Variants in PTPRD observed in about 807,000 individuals in gnomAD.
PTPRD encodes protein tyrosine phosphatase receptor type D, also known as receptor-type tyrosine-protein phosphatase delta.
A neutral mutation model predicts 214.5 loss-of-function variants in PTPRD; 34 were observed. That is an observed-to-expected ratio of 0.16 (90% CI 0.12 to 0.21). The LOEUF (loss-of-function observed/expected upper bound fraction) is 0.21. PTPRD is among the 10% of genes least tolerant of loss of function. The pLI is 1.00. For missense variants in PTPRD, 2,545 were observed against 2,398.7 expected, an observed-to-expected ratio of 1.06 and a Z score of -1.27; for synonymous variants, 1,128 against 845.7, an observed-to-expected ratio of 1.33 and a Z score of -5.79.
At chr9:8,495,277 T>TAG (rs1410486895) in intron 26 of PTPRD, among the ~76,000 whole-genome samples, 1 of 152,186 alleles carries the variant, frequency 6.6e-6, no homozygotes. Context: ...CGGTAACACA[T>TAG]CTGCAAAACT....
At chr9:9,450,475 G>C (rs1009378432) in intron 8 of PTPRD, among the ~76,000 whole-genome samples, 1 of 151,578 alleles carries the variant, frequency 6.6e-6, no homozygotes, top group Admixed American at 6.6e-5. Flanking sequence ...GGAGTAAGGT[G>C]GTATCTCACT....
At chr9:9,783,319 T>C (rs931988825) in intron 5 of PTPRD, among the ~76,000 whole-genome samples, 2 of 152,172 alleles carry the variant, frequency 1.3e-5, no homozygotes, top group Non-Finnish European at 2.9e-5. Flanking sequence ...AATTTCTTTC[T>C]TGCATGAAAT....
chr9:9,968,308 G>C (rs1240888376), intron 4 of PTPRD, among the ~76,000 whole-genome samples: 1 of 152,146 alleles, frequency 6.6e-6, no homozygotes, highest in Non-Finnish European at 1.5e-5. Context: ...ATTTCTAGTA[G>C]ATTCATTCAG....
intron 2 of PTPRD, among the ~76,000 whole-genome samples, chr9:10,480,434 A>C (rs1199086598): frequency 1.3e-5 from 2 of 152,214 alleles, no homozygotes; most frequent in East Asian, 3.9e-4. Context: ...GTATTACCTG[A>C]GAAGGTGAGT....
intron 2 of PTPRD, among the ~76,000 whole-genome samples, chr9:10,590,426 T>C (rs751135982): frequency 2.0e-5 from 3 of 151,992 alleles, no homozygotes; most frequent in Non-Finnish European, 4.4e-5. Flanking sequence ...ATAGAATATA[T>C]TTATTATCCT....
chr9:8,433,315 C>T (rs2095179907), intron 35 of PTPRD, among the ~76,000 whole-genome samples: 1 of 152,278 alleles, frequency 6.6e-6, no homozygotes, highest in South Asian at 2.1e-4. Flanking sequence ...AGGTACAGTA[C>T]ATAATATTTA....
intron 12 of PTPRD, among the ~76,000 whole-genome samples, chr9:8,658,190 T>A (rs1360507050): frequency 1.3e-5 from 2 of 152,206 alleles, no homozygotes; most frequent in Non-Finnish European, 2.9e-5. Flanking sequence ...AGATAACATG[T>A]ATAACAGATT....
At chr9:10,314,691 C>T (rs1385164286) in intron 3 of PTPRD, among the ~76,000 whole-genome samples, 1 of 151,830 alleles carries the variant, frequency 6.6e-6, no homozygotes, top group Non-Finnish European at 1.5e-5. Context: ...AATAAATAAT[C>T]ATGAGTATAC....
chr9:8,630,192 T>C (rs1298477080), intron 14 of PTPRD, among the ~76,000 whole-genome samples: 1 of 151,674 alleles, frequency 6.6e-6, no homozygotes, highest in Non-Finnish European at 1.5e-5. Flanking sequence ...GTGGACGAAA[T>C]GGGAATCTAA....
rs538475640 is a variant in PTPRD at position 8,987,472 on chromosome 9, T to G, written c.-104+31225A>C. Reference sequence around the variant, plus strand: ...AGTTTTAGAACAGGCATAAAGACAATAGGTGGTGGTAATCATTTGGAGAGA... The same window carrying G: ...AGTTTTAGAACAGGCATAAAGACAAGAGGTGGTGGTAATCATTTGGAGAGA... On this transcript the variant is annotated intron_variant, in intron 11 of 45. Coordinates refer to ENST00000381196, the MANE Select transcript of PTPRD (RefSeq NM_002839.4). Among the ~76,000 whole-genome samples the G allele has an allele frequency of 1.1e-4, 17 of 152,242 alleles. No homozygotes were observed. In the East Asian group the frequency reaches 3.3e-3, roughly 29 times the overall value.
At chr9:9,869,473 T>G (rs1167279121) in intron 5 of PTPRD, among the ~76,000 whole-genome samples, 1 of 152,170 alleles carries the variant, frequency 6.6e-6, no homozygotes, top group East Asian at 1.9e-4. Context: ...TGGACTCACC[T>G]ATAGCTTCTC....
At chr9:8,825,221 G>C (rs1009253840) in intron 11 of PTPRD, among the ~76,000 whole-genome samples, 5 of 152,152 alleles carry the variant, frequency 3.3e-5, no homozygotes, top group Admixed American at 3.3e-4. Flanking sequence ...TATAGGGACT[G>C]TTTTAGGCAA....
chr9:9,515,759 A>C (rs971034690), intron 8 of PTPRD, among the ~76,000 whole-genome samples: 1 of 152,012 alleles, frequency 6.6e-6, no homozygotes, highest in African/African-American at 2.4e-5. Flanking sequence ...CATGAAAAAA[A>C]GTTTGATGTT....
intron 7 of PTPRD, among the ~76,000 whole-genome samples, chr9:9,719,647 C>T (rs1480885856): frequency 1.3e-5 from 2 of 152,186 alleles, no homozygotes; most frequent in Non-Finnish European, 1.5e-5. Flanking sequence ...TGCAACATCC[C>T]CCTCACAGCT....
rs1027515106 is a variant in PTPRD at position 10,546,062 on chromosome 9, A to G, written c.-600+66336T>C. On this transcript the variant is annotated intron_variant, in intron 2 of 45. Coordinates refer to ENST00000381196, the MANE Select transcript of PTPRD (RefSeq NM_002839.4). ...AGCAACTCTTATTCAGGAAAGGGAC[A>G]CAACTATCATTAGCTTTATCCTACC... Among the ~76,000 whole-genome samples, 24 of 152,146 alleles carry G rather than the reference A, an allele frequency of 1.6e-4. 2 individuals are homozygous for G. The highest frequency in any genetic ancestry group is 1.4e-3 in the Admixed American group (22 of 15,254).
At chr9:9,044,896 A>G (rs1164039190) in intron 10 of PTPRD, among the ~76,000 whole-genome samples, 1 of 152,228 alleles carries the variant, frequency 6.6e-6, no homozygotes, top group Admixed American at 6.5e-5. Flanking sequence ...GTCTAGAAGC[A>G]CAACCCAAGA....
intron 5 of PTPRD, among the ~76,000 whole-genome samples, chr9:9,934,369 T>G (rs989173415): frequency 6.8e-6 from 1 of 147,978 alleles, no homozygotes; most frequent in East Asian, 2.0e-4. Flanking sequence ...ATCAAATAGA[T>G]GCAATAAAAA....
intron 3 of PTPRD, among the ~76,000 whole-genome samples, chr9:10,071,072 T>C (rs2098002393): frequency 6.6e-6 from 1 of 152,106 alleles, no homozygotes; most frequent in Non-Finnish European, 1.5e-5. Flanking sequence ...GTACAGAATC[T>C]GTATGTGAAA....
At chr9:8,379,854 G>A (rs985189254) in intron 37 of PTPRD, among the ~76,000 whole-genome samples, 1 of 152,088 alleles carries the variant, frequency 6.6e-6, no homozygotes, top group Non-Finnish European at 1.5e-5. Flanking sequence ...CTGATTCATG[G>A]AAGGTCAGGC....
Sources: gnomAD v4.1 joint callset for allele counts (sites outside exome capture counted in the v4.1 genomes callset) on GRCh38, gnomAD v4.1.1 for gene constraint, MANE v1.5 for transcripts, NCBI Gene and HGNC (gene_info 2026-07-23, HGNC 2026-07-21) for gene names.